The following ABI2 variants were observed in gnomAD, a reference collection of about 807,000 sequenced individuals.
The protein encoded by ABI2 is abl interactor 2.
A neutral mutation model predicts 59.2 loss-of-function variants in ABI2; 25 were observed. The ratio of observed to expected loss-of-function variants is 0.42; its 90% confidence interval spans 0.31 to 0.59. ABI2 has a LOEUF of 0.59. Ranked by LOEUF, ABI2 falls within the 20% of genes least tolerant of loss-of-function variation. The pLI is 0.14. For synonymous variants in ABI2, 213 were observed against 235.5 expected, an observed-to-expected ratio of 0.90 and a Z score of 0.87; for missense variants, 545 against 681.8, an observed-to-expected ratio of 0.80 and a Z score of 2.23.
chr2:203,420,555 G>A (rs551649289), intron 11 of ABI2, among the ~76,000 whole-genome samples: 3 of 151,926 alleles, frequency 2.0e-5, no homozygotes, highest in Non-Finnish European at 4.4e-5. Context: ...CAGCACACCC[G>A]GCTAATTTTT....
At chr2:203,391,444 C>G (rs756210107) in intron 5 of ABI2, among the ~76,000 whole-genome samples, 3 of 152,078 alleles carry the variant, frequency 2.0e-5, no homozygotes, top group Admixed American at 6.5e-5. Context: ...TGTATATAGT[C>G]TTTTATATTA....
At position 203,328,395 on chromosome 2, in the gene ABI2, C is replaced by T. The variant is rs1223183615; in HGVS notation, c.-120C>T. 2.5e-6 allele frequency: 2 copies of T among 794,466 alleles called. No individual in the cohort carries two copies. The highest frequency in any genetic ancestry group is 4.1e-6 in the Non-Finnish European group (2 of 488,940). 49.2% of individuals were successfully genotyped at this position (794,466 alleles called of 1,614,324 possible). ...CGCGCGCTGGGGCTGTTTCTCGCTCCTTCCGAGTTACCGCCGCCGTCGCCG... is the reference window on the plus strand; with the variant it reads ...CGCGCGCTGGGGCTGTTTCTCGCTCTTTCCGAGTTACCGCCGCCGTCGCCG... On this transcript the variant is annotated 5_prime_UTR_variant, in exon 1 of 12. Transcript: ENST00000261018.
Position 203,366,878 on chromosome 2 carries a change from C to A in ABI2, c.119C>A (p.Ser40Ter). 1 of 1,528,228 alleles carries A rather than the reference C, an allele frequency of 6.5e-7. No individual in the cohort carries two copies. The highest frequency in any genetic ancestry group is 1.3e-5 in the South Asian group (1 of 76,372). 94.7% of individuals were successfully genotyped at this position (1,528,228 alleles called of 1,614,324 possible). A position where few individuals can be genotyped will look rare whatever the true frequency, so the allele number is the denominator to read the frequency against. ...TCACTGGTTTGTTTTTTTTCCCAGT[C>A]AGCAGATAAGCAGAGAGCCCTAGAA... ...ADYCENNYIQSADKQRALEET... is the reference protein window; with the variant it reads ...ADYCENNYIQ Residue 40 changes from serine (S) to a stop codon, truncating the protein, a stop_gained and splice_region_variant, in exon 2 of 12, where the codon TCA becomes TAA. Coordinates refer to ENST00000261018, the MANE Select transcript of ABI2 (RefSeq NM_001375670.1). LOFTEE classifies it high-confidence loss of function.
chr2:203,378,961 C>T (rs979515670), intron 2 of ABI2, among the ~76,000 whole-genome samples: 7 of 152,088 alleles, frequency 4.6e-5, no homozygotes, highest in Admixed American at 3.3e-4. Flanking sequence ...TACATGCAGT[C>T]TGATGTTTCT....
At chr2:203,351,798 A>G (rs567180407) in intron 1 of ABI2, 1 of 260,272 alleles carries the variant, frequency 3.8e-6, no homozygotes, top group African/African-American at 2.3e-5. Flanking sequence ...GGCCTCCCCA[A>G]GTGCTGGTAT....
intron 11 of ABI2, among the ~76,000 whole-genome samples, chr2:203,422,173 C>T (rs2098246198): frequency 6.6e-6 from 1 of 152,092 alleles, no homozygotes; most frequent in Admixed American, 6.5e-5. Context: ...TGGTGCATGC[C>T]TGTAGTTCCA....
Position 203,385,881 on chromosome 2 carries a change from C to T in ABI2, c.480+3675C>T, listed in dbSNP as rs377640623. Among the ~76,000 whole-genome samples, 16 of 152,270 alleles carry T rather than the reference C, an allele frequency of 1.1e-4. No individual in the cohort carries two copies. In the East Asian group the frequency reaches 1.3e-3, roughly 13 times the overall value. ...TGCTTTCTTTACCTGTTTCTCTTTC[C>T]TCTTACTCCTAATCTTATGTTCCCT... On this transcript the variant is annotated intron_variant, in intron 4 of 11. Transcript: ENST00000261018.
At position 203,332,493 on chromosome 2, in the gene ABI2, C is replaced by T. The variant is rs141488270; in HGVS notation, c.117+3862C>T. On this transcript the variant is annotated intron_variant, in intron 1 of 11. Coordinates refer to ENST00000261018, the MANE Select transcript of ABI2 (RefSeq NM_001375670.1). Reference sequence around the variant, plus strand: ...TACAAAAATTAGCTGGCTATGGTGGCGTGTGCCTGTAGTCCCAGCTACTTG... The same window carrying T: ...TACAAAAATTAGCTGGCTATGGTGGTGTGTGCCTGTAGTCCCAGCTACTTG... Among the ~76,000 whole-genome samples, 460 of 152,156 alleles carry T rather than the reference C, an allele frequency of 3.0e-3. 3 individuals are homozygous for T. The highest frequency in any genetic ancestry group is 0.01 in the African/African-American group (423 of 41,518).
intron 1 of ABI2, among the ~76,000 whole-genome samples, chr2:203,358,169 C>T (rs562322109): frequency 1.3e-5 from 2 of 149,890 alleles, no homozygotes; most frequent in East Asian, 2.0e-4. Context: ...CAGGCTGGAG[C>T]GCAGTGGTAG....
chr2:203,393,667 A>G (rs563301064), intron 5 of ABI2, among the ~76,000 whole-genome samples: 3 of 152,238 alleles, frequency 2.0e-5, no homozygotes, highest in Non-Finnish European at 4.4e-5. Context: ...GCCCCAGGAA[A>G]GCAATAGTTA....
chr2:203,344,762 ACT>A (rs1308799181), intron 1 of ABI2, among the ~76,000 whole-genome samples: 1 of 151,930 alleles, frequency 6.6e-6, no homozygotes, highest in Non-Finnish European at 1.5e-5. Context: ...ACCAATCAGC[ACT>A]CTGTAAAAAC....
At chr2:203,355,102 CT>C in intron 1 of ABI2, 7 of 315,198 alleles carry the variant, frequency 2.2e-5, no homozygotes, top group South Asian at 7.8e-5. Flanking sequence ...TTGGATTTCC[CT>C]TTTCCTCTTT....
intron 1 of ABI2, among the ~76,000 whole-genome samples, chr2:203,361,407 G>A (rs761493802): frequency 6.6e-6 from 1 of 152,178 alleles, no homozygotes; most frequent in Non-Finnish European, 1.5e-5. Flanking sequence ...GCAGAGGCAG[G>A]AGGATCACTT....
intron 1 of ABI2, among the ~76,000 whole-genome samples, chr2:203,347,843 C>CATAT (rs565617126): frequency 2.9e-4 from 44 of 152,162 alleles, no homozygotes; most frequent in Non-Finnish European, 6.3e-4. Flanking sequence ...GGAACATTTA[C>CATAT]ATATAGGATT....
At chr2:203,420,174 TGG>T (rs1362332837) in intron 11 of ABI2, among the ~76,000 whole-genome samples, 1 of 152,188 alleles carries the variant, frequency 6.6e-6, no homozygotes. Context: ...ACGTGAGCTC[TGG>T]CATCTGGCAG....
Position 203,396,853 on chromosome 2 carries a change from C to G in ABI2, c.919C>G (p.Pro307Ala). 2 of 1,535,234 alleles carry G rather than the reference C, an allele frequency of 1.3e-6. No homozygotes were observed. Among genetic ancestry groups the G allele is most frequent in the South Asian group, 2.4e-5 (2 of 83,882 alleles). Residue 307 changes from proline (P) to alanine (A), a missense_variant, in exon 8 of 12, where the codon CCT (proline) becomes GCT (alanine). Physicochemically the swap from Pro to Ala is conservative, Grantham distance 27. This residue lies in a region of ABI2 where 410 missense variants were observed against 435.6 expected (regional missense o/e 0.94). Coordinates refer to ENST00000261018, the MANE Select transcript of ABI2 (RefSeq NM_001375670.1). Reference protein sequence around the residue: ...TSASAPAPLVPATVPSSTAPD... With the variant: ...TSASAPAPLVAATVPSSTAPD... ...TGCATCTGCCCCTGCTCCTCTTGTT[C>G]CTGCTACTGTCCCTTCCTCCACTGC...
At chr2:203,416,036 T>G (rs970471292) in intron 10 of ABI2, among the ~76,000 whole-genome samples, 1 of 152,236 alleles carries the variant, frequency 6.6e-6, no homozygotes, top group Admixed American at 6.5e-5. Flanking sequence ...ATAGATGAAG[T>G]AACCCAAGTT....
intron 1 of ABI2, among the ~76,000 whole-genome samples, chr2:203,347,352 A>G (rs2084326439): frequency 6.6e-6 from 1 of 152,202 alleles, no homozygotes; most frequent in South Asian, 2.1e-4. Context: ...TTTTGTGTGA[A>G]ATTTCTGGTG....
intron 5 of ABI2, among the ~76,000 whole-genome samples, chr2:203,392,295 ACC>A: frequency 1.1e-5 from 1 of 89,842 alleles, no homozygotes; most frequent in African/African-American, 4.3e-5. Flanking sequence ...CACCACCACC[ACC>A]ACCACCACCA....
Sources: gnomAD v4.1 joint callset for allele counts (sites outside exome capture counted in the v4.1 genomes callset) on GRCh38, gnomAD v4.1.1 for gene constraint, gnomAD v4.1.1 regional missense constraint, MANE v1.5 for transcripts, NCBI Gene and HGNC (gene_info 2026-07-23, HGNC 2026-07-21) for gene names.